SNTG2: variants seen among roughly 807,000 people sequenced by gnomAD.
The protein encoded by SNTG2 is syntrophin gamma 2.
A neutral mutation model predicts 70.9 loss-of-function variants in SNTG2; 74 were observed. That is an observed-to-expected ratio of 1.04 (90% CI 0.86 to 1.27). The LOEUF is 1.27. Among genes scored for constraint, SNTG2 ranks in the 50% most tolerant of loss-of-function variants. The pLI, the probability that SNTG2 is intolerant of heterozygous loss-of-function variation, is 0.00. For missense variants in SNTG2, 717 were observed against 690.7 expected, an observed-to-expected ratio of 1.04 and a Z score of -0.43; for synonymous variants, 278 against 273.8, an observed-to-expected ratio of 1.02 and a Z score of -0.15.
At chr2:1,303,626 T>A (rs1680550319) in intron 14 of SNTG2, among the ~76,000 whole-genome samples, 5 of 151,486 alleles carry the variant, frequency 3.3e-5, no homozygotes, top group Admixed American at 3.3e-4. Context: ...ATCAGTAAAA[T>A]CAAAAACAGA....
chr2:1,027,211 C>T (rs576246462), intron 1 of SNTG2, among the ~76,000 whole-genome samples: 1 of 152,324 alleles, frequency 6.6e-6, no homozygotes, highest in Admixed American at 6.5e-5. Context: ...CCCGGGCCCA[C>T]AGTGCTCCCT....
intron 14 of SNTG2, among the ~76,000 whole-genome samples, chr2:1,296,998 G>A (rs1456028479): frequency 1.3e-5 from 2 of 152,170 alleles, no homozygotes; most frequent in South Asian, 2.1e-4. Flanking sequence ...GATTCCGGGT[G>A]CCTAACTTCA....
intron 12 of SNTG2, among the ~76,000 whole-genome samples, chr2:1,249,358 C>A (rs570513045): frequency 6.6e-6 from 1 of 152,176 alleles, no homozygotes; most frequent in East Asian, 1.9e-4. Context: ...AGATGAAGGT[C>A]ATGTGTAAAT....
rs567955288 is a variant in SNTG2, at chr2:1,005,755, G to GATT, written c.72+54688_72+54690dup. Among the ~76,000 whole-genome samples the GATT allele has an allele frequency of 2.4e-3, 352 of 144,560 alleles. 12 individuals carry two copies. The East Asian group carries it at 0.03, about 13-fold the overall frequency. The allele number at this position is 144,560 out of a possible 152,430, so 94.8% of individuals were successfully genotyped here. A position where few individuals can be genotyped will look rare whatever the true frequency, so the allele number is the denominator to read the frequency against. ...GGAGGCGGAGGTTGCAGTGAGCCGA[G>GATT]ATTGCACCATTGCACTCCAGCCTGG... On this transcript the variant is annotated intron_variant, in intron 1 of 16. Coordinates refer to ENST00000308624, the MANE Select transcript of SNTG2 (RefSeq NM_018968.4).
chr2:1,339,286 G>A (rs1224092195), intron 16 of SNTG2, among the ~76,000 whole-genome samples: 1 of 152,150 alleles, frequency 6.6e-6, no homozygotes, highest in Non-Finnish European at 1.5e-5. Flanking sequence ...TATATGATGT[G>A]TAAATATTTT....
At chr2:987,511 G>GAGGTTCGCGGTTA (rs1428709690) in intron 1 of SNTG2, among the ~76,000 whole-genome samples, 3 of 152,012 alleles carry the variant, frequency 2.0e-5, no homozygotes, top group Non-Finnish European at 2.9e-5. Flanking sequence ...GATGGAAGGA[G>GAGGTTCGCGGTTA]AGGTTCGCGG....
At position 1,267,445 on chromosome 2, in the gene SNTG2, C is replaced by G; in HGVS notation, c.1158C>G (p.Pro386=). ...ATTTTGACTTTGAGGACCAGAGGCC[C>G]TATTGCTTCAGCATCGTGGCCGGCC... The part of the protein sequence containing the change: ...LQDFDFEDQR[P]YCFSIVAGHG... Residue 386 remains proline (P), a synonymous_variant, in exon 14 of 17, where the codon CCC becomes CCG. Coordinates refer to ENST00000308624, the MANE Select transcript of SNTG2 (RefSeq NM_018968.4). 3.1e-6 allele frequency: 5 copies of G among 1,613,302 alleles called. No homozygotes were observed. The highest frequency in any genetic ancestry group is 4.2e-6 in the Non-Finnish European group (5 of 1,179,628).
chr2:1,092,374 C>A (rs187237586), intron 2 of SNTG2, among the ~76,000 whole-genome samples: 5 of 152,094 alleles, frequency 3.3e-5, no homozygotes, highest in African/African-American at 9.7e-5. Flanking sequence ...GGGGGATCGA[C>A]GAGGACCTGG....
chr2:1,240,988 A>G (rs922257116), intron 11 of SNTG2, among the ~76,000 whole-genome samples: 2 of 152,220 alleles, frequency 1.3e-5, no homozygotes, highest in Non-Finnish European at 2.9e-5. Context: ...CACAAAGTAC[A>G]TATCTCTCTA....
intron 8 of SNTG2, among the ~76,000 whole-genome samples, chr2:1,188,405 T>C (rs922671084): frequency 4.0e-5 from 6 of 151,804 alleles, no homozygotes; most frequent in Non-Finnish European, 1.5e-5. Context: ...TAAATGTAAA[T>C]AGATAAATTT....
chr2:1,133,458 A>T (rs1668154843), intron 4 of SNTG2, among the ~76,000 whole-genome samples: 2 of 152,202 alleles, frequency 1.3e-5, no homozygotes, highest in Admixed American at 6.5e-5. Context: ...TTACCTCATT[A>T]CAGCATTTTG....
At chr2:1,334,290 A>C (rs1659685620) in intron 16 of SNTG2, among the ~76,000 whole-genome samples, 1 of 152,176 alleles carries the variant, frequency 6.6e-6, no homozygotes, top group Admixed American at 6.5e-5. Flanking sequence ...AAAGTTAAAA[A>C]ACAATAGATG....
At chr2:1,282,583 C>T (rs1679593279) in intron 14 of SNTG2, among the ~76,000 whole-genome samples, 1 of 152,222 alleles carries the variant, frequency 6.6e-6, no homozygotes. Context: ...AATCCAGAGG[C>T]AGTATCTGCA....
At chr2:1,145,364 C>T (rs755710599) in intron 6 of SNTG2, among the ~76,000 whole-genome samples, 2 of 151,928 alleles carry the variant, frequency 1.3e-5, no homozygotes, top group African/African-American at 2.4e-5. Flanking sequence ...AAAGAGAGAA[C>T]ACAAGTTAAT....
At chr2:1,298,322 T>C (rs1441299863) in intron 14 of SNTG2, among the ~76,000 whole-genome samples, 3 of 151,904 alleles carry the variant, frequency 2.0e-5, no homozygotes, top group Non-Finnish European at 2.9e-5. Flanking sequence ...TTGGTAGAGA[T>C]GGGGATTTTC....
rs1381242505 is a variant in SNTG2, at chr2:1,166,094, A to G, written c.499+459A>G. On this transcript the variant is annotated intron_variant, in intron 7 of 16. Coordinates refer to ENST00000308624, the MANE Select transcript of SNTG2 (RefSeq NM_018968.4). ...TCTATTATACTTGAATTGTGACCCA[A>G]TATGAAAGTGATGAACCCTAAATCT... Among the ~76,000 whole-genome samples, 5 of 152,256 alleles carry G rather than the reference A, an allele frequency of 3.3e-5. 2 individuals are homozygous for G. The South Asian group carries it at 1.0e-3, about 32-fold the overall frequency.
chr2:985,513 G>A (rs1661276629), intron 1 of SNTG2, among the ~76,000 whole-genome samples: 1 of 152,206 alleles, frequency 6.6e-6, no homozygotes, highest in Non-Finnish European at 1.5e-5. Context: ...CCCCTCTGCT[G>A]GGCCAGGCAG....
chr2:1,056,409 A>C (rs1377335892), intron 1 of SNTG2, among the ~76,000 whole-genome samples: 2 of 15,036 alleles, frequency 1.3e-4, no homozygotes, highest in East Asian at 6.3e-3. Context: ...GGAGGGAGGG[A>C]GAGCGCAGCG....
intron 6 of SNTG2, chr2:1,161,786 C>G (rs1460258032): frequency 6.6e-6 from 1 of 152,092 alleles, no homozygotes; most frequent in Non-Finnish European, 1.5e-5. Flanking sequence ...ATTAAAAGTG[C>G]TCGTTTGGCC....
Sources: gnomAD v4.1 joint callset for allele counts (sites outside exome capture counted in the v4.1 genomes callset) on GRCh38, gnomAD v4.1.1 for gene constraint, MANE v1.5 for transcripts, NCBI Gene and HGNC (gene_info 2026-07-23, HGNC 2026-07-21) for gene names.